RCAN2: variants seen among roughly 807,000 people sequenced by gnomAD.
RCAN2 encodes calcipressin-2.
Under a neutral mutation model 23.6 loss-of-function variants are expected in RCAN2, and 9 were observed. That is an observed-to-expected ratio of 0.38 (90% CI 0.23 to 0.67). The LOEUF is 0.67. Among genes scored for constraint, RCAN2 ranks in the 30% least tolerant of loss-of-function variants. The probability of loss-of-function intolerance (pLI) is 0.51; values close to 1 mark genes in which losing one functional copy is unlikely to be tolerated. For synonymous variants in RCAN2, 109 were observed against 115.7 expected (o/e 0.94, Z 0.37); for missense variants, 273 against 302.3 (o/e 0.90, Z 0.72).
intron 2 of RCAN2, among the ~76,000 whole-genome samples, chr6:46,363,759 T>G (rs565494773): frequency 6.6e-6 from 1 of 151,624 alleles, no homozygotes. Flanking sequence ...AAAGTATGAC[T>G]GAAAGGTGAT....
intron 2 of RCAN2, among the ~76,000 whole-genome samples, chr6:46,261,679 A>G (rs1305007692): frequency 6.6e-6 from 1 of 152,194 alleles, no homozygotes; most frequent in Non-Finnish European, 1.5e-5. Context: ...TGTAAAGACC[A>G]ATTATAGGAA....
intron 2 of RCAN2, among the ~76,000 whole-genome samples, chr6:46,346,961 C>T (rs539519349): frequency 1.9e-4 from 29 of 152,116 alleles, no homozygotes; most frequent in Non-Finnish European, 3.2e-4. Flanking sequence ...CTGCAAGCTC[C>T]GCCTCCCAGG....
intron 1 of RCAN2, among the ~76,000 whole-genome samples, chr6:46,469,087 A>C (rs1036769649): frequency 6.6e-6 from 1 of 152,164 alleles, no homozygotes; most frequent in African/African-American, 2.4e-5. Flanking sequence ...TTCCTACAGA[A>C]GCCAGGGCTG....
intron 2 of RCAN2, among the ~76,000 whole-genome samples, chr6:46,318,250 A>G (rs755973430): frequency 3.3e-5 from 5 of 152,218 alleles, no homozygotes; most frequent in South Asian, 2.1e-4. Context: ...ATAGCAAAGT[A>G]TCCTATTGTT....
At chr6:46,246,397 G>A (rs1003162951) in intron 4 of RCAN2, among the ~76,000 whole-genome samples, 20 of 152,164 alleles carry the variant, frequency 1.3e-4, no homozygotes, top group Non-Finnish European at 1.0e-4. Context: ...CCTCCTTCCA[G>A]CTGGTAGGGT....
At chr6:46,415,367 G>A (rs1052742723) in intron 2 of RCAN2, among the ~76,000 whole-genome samples, 3 of 152,248 alleles carry the variant, frequency 2.0e-5, no homozygotes, top group South Asian at 2.1e-4. Flanking sequence ...CTTGCAAGAC[G>A]GTGACACCAT....
chr6:46,483,032 A>T (rs1366830274), intron 1 of RCAN2, among the ~76,000 whole-genome samples: 1 of 152,164 alleles, frequency 6.6e-6, no homozygotes, highest in Admixed American at 6.5e-5. Flanking sequence ...GCTTCCTGGG[A>T]GCTGTCTGGT....
chr6:46,329,483 G>T (rs1763894183), intron 2 of RCAN2, among the ~76,000 whole-genome samples: 2 of 152,026 alleles, frequency 1.3e-5, no homozygotes, highest in Admixed American at 6.6e-5. Flanking sequence ...TTATTCCCAG[G>T]GGCTAGAAGG....
At chr6:46,467,776 T>C (rs1195356870) in intron 1 of RCAN2, among the ~76,000 whole-genome samples, 18 of 152,198 alleles carry the variant, frequency 1.2e-4, no homozygotes, top group Admixed American at 1.2e-3. Flanking sequence ...TCTCACCTAC[T>C]CCAAAATCCC....
At chr6:46,472,510 T>C (rs1318457293) in intron 1 of RCAN2, among the ~76,000 whole-genome samples, 2 of 152,174 alleles carry the variant, frequency 1.3e-5, no homozygotes, top group Non-Finnish European at 1.5e-5. Flanking sequence ...CATTCCCCTG[T>C]GCTCAGCCAG....
intron 2 of RCAN2, 71 bp from the exon 3 acceptor site, chr6:46,248,967 AAAAC>A: frequency 9.3e-7 from 1 of 1,079,064 alleles, no homozygotes; most frequent in South Asian, 1.8e-5. Context: ...ATATCTGATA[AAAAC>A]AAACAACTAA....
At chr6:46,390,057 C>T (rs1439889803) in intron 2 of RCAN2, among the ~76,000 whole-genome samples, 1 of 150,328 alleles carries the variant, frequency 6.7e-6, no homozygotes, top group Non-Finnish European at 1.5e-5. Context: ...GAAAATTGAC[C>T]AGGCTACTGT....
chr6:46,443,677 C>A (rs1489677859), intron 2 of RCAN2, among the ~76,000 whole-genome samples: 4 of 152,100 alleles, frequency 2.6e-5, no homozygotes, highest in African/African-American at 9.7e-5. Context: ...ACGTATAAAG[C>A]AGGTTTCTTT....
chr6:46,405,032 A>C (rs966647593), intron 2 of RCAN2, among the ~76,000 whole-genome samples: 1 of 152,254 alleles, frequency 6.6e-6, no homozygotes, highest in Non-Finnish European at 1.5e-5. Context: ...GGTTGGGGAA[A>C]CATAGATGAA....
chr6:46,323,524 A>G lies in RCAN2; in HGVS notation c.226-74628T>C, dbSNP rs73735752. Among the ~76,000 whole-genome samples, 1,041 of 152,308 alleles carry G rather than the reference A, an allele frequency of 6.8e-3. 13 individuals carry two copies. The highest frequency in any genetic ancestry group is 0.024 in the African/African-American group (978 of 41,568). On this transcript the variant is annotated intron_variant, in intron 2 of 4. Transcript: ENST00000371374. ...TGAAGAACAGCATCAGCTGTTCACCATCTAGCCCTGACTCACCTCCTTTCC... is the reference window on the plus strand; with the variant it reads ...TGAAGAACAGCATCAGCTGTTCACCGTCTAGCCCTGACTCACCTCCTTTCC...
At chr6:46,433,090 T>C (rs1191956218) in intron 2 of RCAN2, among the ~76,000 whole-genome samples, 1 of 152,204 alleles carries the variant, frequency 6.6e-6, no homozygotes, top group East Asian at 1.9e-4. Flanking sequence ...CATAAGAAAT[T>C]ATGTTAACAA....
At chr6:46,459,088 G>A (rs900270271) in intron 1 of RCAN2, among the ~76,000 whole-genome samples, 6 of 152,178 alleles carry the variant, frequency 3.9e-5, no homozygotes, top group Non-Finnish European at 7.3e-5. Context: ...AGTAGACACA[G>A]GGTTTCACCA....
intron 2 of RCAN2, among the ~76,000 whole-genome samples, chr6:46,297,372 C>T (rs1214855579): frequency 6.6e-6 from 1 of 152,102 alleles, no homozygotes; most frequent in Non-Finnish European, 1.5e-5. Context: ...GCTTCTTAGT[C>T]CTGGTATGGT....
chr6:46,269,227 A>C (rs1767442300), intron 2 of RCAN2, among the ~76,000 whole-genome samples: 2 of 151,756 alleles, frequency 1.3e-5, no homozygotes, highest in Non-Finnish European at 2.9e-5. Flanking sequence ...CATATTTTCC[A>C]TCTCTTTGTC....
Sources: allele counts gnomAD v4.1 joint callset (sites outside exome capture counted in the v4.1 genomes callset), GRCh38; gene constraint gnomAD v4.1.1; transcripts MANE v1.5; gene names NCBI Gene and HGNC (gene_info 2026-07-23, HGNC 2026-07-21).